The following PDC variants were observed in gnomAD, a reference collection of about 807,000 sequenced individuals.
The protein encoded by PDC is 33 kDa phototransducing protein.
A neutral mutation model predicts 22.2 loss-of-function variants in PDC; 19 were observed. The observed-to-expected ratio is 0.86, with a 90% CI of 0.60 to 1.26. PDC has a LOEUF of 1.26. Ranked by LOEUF, PDC falls within the 50% of genes most tolerant of loss-of-function variation. PDC has a pLI of 0.00. For synonymous variants in PDC, 97 were observed against 96.2 expected, an observed-to-expected ratio of 1.01 and a Z score of -0.05; for missense variants, 274 against 286.8, an observed-to-expected ratio of 0.96 and a Z score of 0.32.
intron 1 of PDC, among the ~76,000 whole-genome samples, chr1:186,449,703 A>G (rs1216733677): frequency 2.6e-5 from 4 of 152,164 alleles, no homozygotes; most frequent in Non-Finnish European, 5.9e-5. Flanking sequence ...TGTGTTATTA[A>G]AGATGTCTGG....
At chr1:186,455,153 G>C (rs979046811) in intron 1 of PDC, among the ~76,000 whole-genome samples, 1 of 152,166 alleles carries the variant, frequency 6.6e-6, no homozygotes, top group African/African-American at 2.4e-5. Context: ...CTCTAATCAA[G>C]ATCTAGTAAG....
chr1:186,447,645 A>G (rs1331509275), intron 2 of PDC, among the ~76,000 whole-genome samples: 1 of 152,080 alleles, frequency 6.6e-6, no homozygotes, highest in East Asian at 1.9e-4. Context: ...TCTATATCAT[A>G]TTCTATATGT....
In PDC at chr1:186,449,333, A is replaced by C. The variant is rs183930382; in HGVS notation, c.61+66T>G. 42 of 893,196 alleles carry C rather than the reference A, an allele frequency of 4.7e-5. No individual in the cohort carries two copies. In the African/African-American group the frequency reaches 5.9e-4, roughly 12 times the overall value. The allele number at this position is 893,196 out of a possible 1,614,324, so 55.3% of individuals were successfully genotyped here. A position where few individuals can be genotyped will look rare whatever the true frequency, so the allele number is the denominator to read the frequency against. ...AAGTACATACTGAATAGTGTCAATA[A>C]GAACATTAGATATTGCCATATTTAA... On this transcript the variant is annotated intron_variant, in intron 2 of 3. Coordinates refer to ENST00000391997, the MANE Select transcript of PDC (RefSeq NM_002597.5).
chr1:186,452,067 T>G (rs938348342), intron 1 of PDC, among the ~76,000 whole-genome samples: 11 of 152,194 alleles, frequency 7.2e-5, no homozygotes, highest in African/African-American at 2.7e-4. Context: ...AGTGTGTTTG[T>G]TTGCACTGCT....
chr1:186,454,250 G>A (rs1432684303), intron 1 of PDC, among the ~76,000 whole-genome samples: 1 of 133,824 alleles, frequency 7.5e-6, no homozygotes, highest in African/African-American at 2.9e-5. Flanking sequence ...CTTACTCACT[G>A]CTACTTCTGC....
At chr1:186,455,801 A>AAAAAAAAAAAAAC in intron 1 of PDC, among the ~76,000 whole-genome samples, 1 of 128,594 alleles carries the variant, frequency 7.8e-6, no homozygotes, top group South Asian at 2.6e-4. Flanking sequence ...CTCTACTAAA[A>AAAAAAAAAAAAAC]AAAAAAAAAA....
chr1:186,454,367 C>T (rs1206387923), intron 1 of PDC, among the ~76,000 whole-genome samples: 9 of 151,682 alleles, frequency 5.9e-5, no homozygotes, highest in African/African-American at 1.9e-4. Context: ...TTAGTAGACA[C>T]GGGGTTTCAC....
chr1:186,446,353 G>A, intron 3 of PDC, 73 bp downstream of exon 3: 6 of 1,175,680 alleles, frequency 5.1e-6, no homozygotes, highest in Non-Finnish European at 7.2e-6. Context: ...ATAGTCTAAA[G>A]TGATTCTCTA....
chr1:186,454,959 T>C (rs746847371), intron 1 of PDC, among the ~76,000 whole-genome samples: 9 of 152,264 alleles, frequency 5.9e-5, no homozygotes, highest in Non-Finnish European at 1.2e-4. Flanking sequence ...TCTCAGTGTG[T>C]GGCTTATGTT....
chr1:186,445,871 AT>A lies in PDC; in HGVS notation c.213+554del, dbSNP rs543472882. On this transcript the variant is annotated intron_variant, in intron 3 of 3. Transcript: ENST00000391997. ...CTAAAAATTTCCAATGTTTCATATA[AT>A]TTTTAAGTTGTTGCTATAGTTCTGT... Among the ~76,000 whole-genome samples, 6 of 152,240 alleles carry A rather than the reference AT, an allele frequency of 3.9e-5. No individual in the cohort carries two copies. In the East Asian group the frequency reaches 9.6e-4, roughly 24 times the overall value.
intron 1 of PDC, among the ~76,000 whole-genome samples, chr1:186,459,521 T>G (rs183366533): frequency 1.3e-3 from 204 of 152,288 alleles, no homozygotes; most frequent in Middle Eastern, 6.8e-3. Context: ...AGTATCTGTT[T>G]ATCTTGTAAA....
chr1:186,457,876 C>A (rs1355334248), intron 1 of PDC, among the ~76,000 whole-genome samples: 1 of 152,068 alleles, frequency 6.6e-6, no homozygotes, highest in South Asian at 2.1e-4. Flanking sequence ...CTGACTTCCC[C>A]CCACTCCCAG....
chr1:186,444,564 C>A (rs1662181837), intron 3 of PDC, 58 bp from the exon 4 acceptor site: 3 of 1,165,592 alleles, frequency 2.6e-6, no homozygotes, highest in Non-Finnish European at 2.4e-6. Context: ...CTTAGATATA[C>A]CAAGCCCATT....
At chr1:186,450,944 C>T (rs1429157072) in intron 1 of PDC, 1 of 151,920 alleles carries the variant, frequency 6.6e-6, no homozygotes, top group Non-Finnish European at 1.5e-5. Flanking sequence ...TTTTGCTTTG[C>T]CTCCTTCTTT....
chr1:186,444,019 A>G lies in PDC; in HGVS notation c.701T>C (p.Val234Ala), dbSNP rs2102125716. Reference protein sequence around the residue: ...YGLLPEREVHVLEHTKIEEED... With the variant: ...YGLLPEREVHALEHTKIEEED... Reference sequence around the variant, plus strand: ...TTCTTCTATTTTGGTATGCTCTAGGACATGTACCTCTCTTTCAGGTAGTAA... The same window carrying G: ...TTCTTCTATTTTGGTATGCTCTAGGGCATGTACCTCTCTTTCAGGTAGTAA... The change falls in exon 4 of 4, where the codon GTC becomes GCC. Residue 234 changes from valine (V) to alanine (A), a missense_variant. Physicochemically the swap from Val to Ala is moderately conservative, Grantham distance 64 (BLOSUM62 0). Coordinates refer to ENST00000391997, the MANE Select transcript of PDC (RefSeq NM_002597.5). The G allele has an allele frequency of 1.2e-6, 2 of 1,612,182 alleles. No individual in the cohort carries two copies. The highest frequency in any genetic ancestry group is 1.7e-6 in the Non-Finnish European group (2 of 1,178,246).
At position 186,443,936 on chromosome 1, in the gene PDC, C is replaced by A; in HGVS notation, c.*43G>T. On this transcript the variant is annotated 3_prime_UTR_variant, in exon 4 of 4. Coordinates refer to ENST00000391997, the MANE Select transcript of PDC (RefSeq NM_002597.5). The stretch of plus-strand genomic sequence containing the variant: ...TATAGATACTACCAAAACCATCATC[C>A]AATACCTAAAGGATAAACATGAGAT... 7.0e-7 allele frequency: 1 copy of A among 1,433,000 alleles called. No individual in the cohort carries two copies. Among genetic ancestry groups the A allele is most frequent in the Non-Finnish European group, 9.7e-7 (1 of 1,030,824 alleles). 88.8% of individuals were successfully genotyped at this position (1,433,000 alleles called of 1,614,324 possible).
chr1:186,452,469 C>T (rs1019173084), intron 1 of PDC, among the ~76,000 whole-genome samples: 2 of 152,050 alleles, frequency 1.3e-5, no homozygotes, highest in African/African-American at 4.8e-5. Context: ...ATCGCCTGAC[C>T]ACAAGTGAAC....
rs751184036 is a variant in PDC at position 186,446,554 on chromosome 1, A to C, written c.85T>G (p.Trp29Gly). 5 of 1,584,980 alleles carry C rather than the reference A, an allele frequency of 3.2e-6. No individual in the cohort carries two copies. The highest frequency in any genetic ancestry group is 1.3e-5 in the African/African-American group (1 of 74,468). ...HTGPKGVINDWRKFKLESQDS... is the reference protein window; with the variant it reads ...HTGPKGVINDGRKFKLESQDS... ...TGACTCTCTAATTTAAACTTTCTCC[A>C]ATCATTTATTACTCCTTTGGGTCCT... The change falls in exon 3 of 4, where the codon TGG (tryptophan) becomes GGG (glycine). Residue 29 changes from tryptophan to glycine, a missense_variant. By Grantham distance (184) the Trp-to-Gly change is radical. Coordinates refer to ENST00000391997, the MANE Select transcript of PDC (RefSeq NM_002597.5).
rs1475089263 is a variant in PDC, at chr1:186,446,760, T to C, written c.62-183A>G. Among the ~76,000 whole-genome samples the C allele has an allele frequency of 3.9e-5, 6 of 152,204 alleles. No individual in the cohort carries two copies. The South Asian group carries it at 1.2e-3, about 32-fold the overall frequency. On this transcript the variant is annotated intron_variant, in intron 2 of 3. Coordinates refer to ENST00000391997, the MANE Select transcript of PDC (RefSeq NM_002597.5). ...TCATAAAAATATGCTCCCACATTAATCTTGTTAAATGGGTTTTGGTAAAGG... is the reference window on the plus strand; with the variant it reads ...TCATAAAAATATGCTCCCACATTAACCTTGTTAAATGGGTTTTGGTAAAGG...
Sources: gnomAD v4.1 joint callset for allele counts (sites outside exome capture counted in the v4.1 genomes callset) on GRCh38, gnomAD v4.1.1 for gene constraint, MANE v1.5 for transcripts, NCBI Gene and HGNC (gene_info 2026-07-23, HGNC 2026-07-21) for gene names.